Variants in GRHL2 observed in about 807,000 individuals in gnomAD.
GRHL2 encodes the protein grainyhead-like protein 2 homolog.
GRHL2 carries 21 observed loss-of-function variants against 83.8 expected under a neutral mutation model. The ratio of observed to expected loss-of-function variants is 0.25; its 90% CI spans 0.18 to 0.36. GRHL2 has a LOEUF of 0.36. Ranked by LOEUF, GRHL2 falls within the 10% of genes least tolerant of loss-of-function variation. The pLI is 1.00. For synonymous variants in GRHL2, 280 were observed against 278.9 expected (o/e 1.00, Z -0.04); for missense variants, 623 against 781.8 (o/e 0.80, Z 2.42).
intron 7 of GRHL2, among the ~76,000 whole-genome samples, chr8:101,585,412 C>A (rs971572481): frequency 2.6e-5 from 4 of 152,004 alleles, no homozygotes; most frequent in Admixed American, 6.5e-5. Context: ...CTTGAGAGCT[C>A]CCAAATTAAA....
chr8:101,662,322 C>G (rs1001913444), intron 14 of GRHL2, among the ~76,000 whole-genome samples: 4 of 152,176 alleles, frequency 2.6e-5, no homozygotes, highest in Non-Finnish European at 5.9e-5. Flanking sequence ...CTGTCAGGCC[C>G]GCTACTTGGT....
In GRHL2 at chr8:101,668,769, T is replaced by C. The variant is rs1276782915; in HGVS notation, c.*2066T>C. 1 of 152,190 alleles carries C rather than the reference T, an allele frequency of 6.6e-6. No individual in the cohort carries two copies. Among genetic ancestry groups the C allele is most frequent in the Non-Finnish European group, 1.5e-5 (1 of 68,052 alleles). The allele number at this position is 152,190 out of a possible 1,614,324, so 9.4% of individuals were successfully genotyped here. The stretch of plus-strand genomic sequence containing the variant: ...TAGTTTCAAACATGATTGGCAGACA[T>C]AACAACGGCAAATACTCGGACTGGG... On this transcript the variant is annotated 3_prime_UTR_variant, in exon 16 of 16. Transcript: ENST00000646743.
At chr8:101,538,213 C>T (rs1378940681) in intron 1 of GRHL2, among the ~76,000 whole-genome samples, 2 of 152,314 alleles carry the variant, frequency 1.3e-5, no homozygotes, top group South Asian at 4.2e-4. Context: ...TAAGCTTCCT[C>T]TGCTTCTCCC....
intron 1 of GRHL2, among the ~76,000 whole-genome samples, chr8:101,514,551 C>T (rs1810530659): frequency 6.6e-6 from 1 of 152,152 alleles, no homozygotes; most frequent in South Asian, 2.1e-4. Context: ...AGGAGTCCTG[C>T]ATCTGCCATG....
At chr8:101,499,007 A>G (rs1448990060) in intron 1 of GRHL2, among the ~76,000 whole-genome samples, 1 of 151,828 alleles carries the variant, frequency 6.6e-6, no homozygotes, top group African/African-American at 2.4e-5. Context: ...CCCGGGAGGC[A>G]GAGCTTGCAG....
At chr8:101,634,341 G>A (rs1376311639) in intron 11 of GRHL2, among the ~76,000 whole-genome samples, 1 of 152,166 alleles carries the variant, frequency 6.6e-6, no homozygotes, top group African/African-American at 2.4e-5. Context: ...CTGAAGGAAA[G>A]GAGCTTGGAC....
At chr8:101,677,209 T>C in the GRHL2 span, among the ~76,000 whole-genome samples, 4 of 151,260 alleles carry the variant, frequency 2.6e-5, no homozygotes, top group South Asian at 8.4e-4. Context: ...ACTTAAATAA[T>C]AACAATAATA....
intron 3 of GRHL2, among the ~76,000 whole-genome samples, chr8:101,557,498 A>G (rs1031386175): frequency 9.2e-5 from 14 of 152,242 alleles, no homozygotes; most frequent in African/African-American, 3.4e-4. Flanking sequence ...TTCTGGGATT[A>G]CAGGCGTGAG....
chr8:101,531,506 G>A (rs911404806), intron 1 of GRHL2, among the ~76,000 whole-genome samples: 4 of 151,954 alleles, frequency 2.6e-5, no homozygotes, highest in Non-Finnish European at 5.9e-5. Context: ...AAGTAGAAAG[G>A]AGAAAATAAA....
At chr8:101,643,749 T>G (rs1813450542) in intron 12 of GRHL2, among the ~76,000 whole-genome samples, 1 of 152,228 alleles carries the variant, frequency 6.6e-6, no homozygotes, top group East Asian at 1.9e-4. Context: ...AGGCCTCAGC[T>G]GGTTGGGAGG....
intron 8 of GRHL2, among the ~76,000 whole-genome samples, chr8:101,607,050 A>G (rs1461710652): frequency 1.3e-5 from 2 of 152,212 alleles, no homozygotes; most frequent in African/African-American, 4.8e-5. Context: ...ATTCGGTACC[A>G]AATCATGGCA....
intron 2 of GRHL2, among the ~76,000 whole-genome samples, chr8:101,550,604 G>C: frequency 6.6e-6 from 1 of 152,098 alleles, no homozygotes; most frequent in East Asian, 1.9e-4. Flanking sequence ...TGTCATAAAA[G>C]ATATATAACA....
At chr8:101,557,951 G>A (rs1811521194) in intron 3 of GRHL2, among the ~76,000 whole-genome samples, 1 of 152,118 alleles carries the variant, frequency 6.6e-6, no homozygotes, top group African/African-American at 2.4e-5. Flanking sequence ...CACAACCTCT[G>A]CCTCCCGGGT....
At chr8:101,611,041 G>A (rs181136650) in intron 8 of GRHL2, among the ~76,000 whole-genome samples, 1 of 151,042 alleles carries the variant, frequency 6.6e-6, no homozygotes, top group Admixed American at 6.6e-5. Flanking sequence ...GAGTGTCCGA[G>A]GAGGCTGGGA....
At chr8:101,561,765 T>C (rs922034593) in intron 4 of GRHL2, among the ~76,000 whole-genome samples, 4 of 152,224 alleles carry the variant, frequency 2.6e-5, no homozygotes, top group African/African-American at 9.6e-5. Context: ...TTCACTTCTA[T>C]AGTTTTAAGT....
chr8:101,569,618 A>G (rs1340956274), intron 4 of GRHL2, among the ~76,000 whole-genome samples: 1 of 152,076 alleles, frequency 6.6e-6, no homozygotes, highest in East Asian at 1.9e-4. Flanking sequence ...TACAGGGATG[A>G]GCCACCACAC....
chr8:101,612,520 G>GATAGATACATACATACATAC lies in GRHL2; in HGVS notation c.1099-7016_1099-7015insGATACATACATACATACATA, dbSNP rs371662487. Among the ~76,000 whole-genome samples the GATAGATACATACATACATAC allele has an allele frequency of 5.0e-4, 62 of 123,770 alleles. 1 individual carries two copies. The highest frequency in any genetic ancestry group is 9.5e-4 in the Admixed American group (12 of 12,632). The allele number at this position is 123,770 out of a possible 152,430, so 81.2% of individuals were successfully genotyped here. On this transcript the variant is annotated intron_variant, in intron 8 of 15. Transcript: ENST00000646743. ...AGATAGATAGATAGATAGATAGATAGATACATACATACATACATACATACA... is the reference window on the plus strand; with the variant it reads ...AGATAGATAGATAGATAGATAGATAGATAGATACATACATACATACATACATACATACATACATACATACA...
intron 7 of GRHL2, among the ~76,000 whole-genome samples, chr8:101,584,080 G>C (rs572465657): frequency 1.3e-5 from 2 of 152,236 alleles, no homozygotes; most frequent in East Asian, 3.9e-4. Context: ...TTGACACAAG[G>C]TTGTAGTTAA....
intron 1 of GRHL2, among the ~76,000 whole-genome samples, chr8:101,508,203 C>G (rs1394952943): frequency 6.6e-6 from 1 of 152,132 alleles, no homozygotes; most frequent in Non-Finnish European, 1.5e-5. Flanking sequence ...ACATTTGGTT[C>G]ATATTTCCAA....
Sources: allele counts gnomAD v4.1 joint callset (sites outside exome capture counted in the v4.1 genomes callset), GRCh38; gene constraint gnomAD v4.1.1; transcripts MANE v1.5; gene names NCBI Gene and HGNC (gene_info 2026-07-23, HGNC 2026-07-21).